The following DPP10 variants were observed in gnomAD, a reference collection of about 807,000 sequenced individuals.
The protein encoded by DPP10 is inactive dipeptidyl peptidase 10.
A neutral mutation model predicts 120.9 loss-of-function variants in DPP10; 33 were observed. That is an observed-to-expected ratio of 0.27 (90% CI 0.21 to 0.37). DPP10 has a LOEUF of 0.37. Ranked by LOEUF, DPP10 falls within the 10% of genes least tolerant of loss-of-function variation. The probability of loss-of-function intolerance (pLI) is 1.00; values close to 1 mark genes in which losing one functional copy is unlikely to be tolerated. For synonymous variants in DPP10, 337 were observed against 326.1 expected (o/e 1.03, Z -0.36); for missense variants, 816 against 942.8 (o/e 0.87, Z 1.76).
At chr2:115,063,162 T>G (rs1706555718) in intron 1 of DPP10, among the ~76,000 whole-genome samples, 1 of 152,212 alleles carries the variant, frequency 6.6e-6, no homozygotes, top group African/African-American at 2.4e-5. Context: ...CTTTTCTTCA[T>G]ATGTTTGTTG....
At chr2:114,746,961 T>C (rs544981500) in intron 1 of DPP10, among the ~76,000 whole-genome samples, 1 of 152,332 alleles carries the variant, frequency 6.6e-6, no homozygotes, top group South Asian at 2.1e-4. Context: ...GAGACTTCCC[T>C]AGGCTAGTCA....
intron 1 of DPP10, among the ~76,000 whole-genome samples, chr2:114,913,381 T>G (rs1440281278): frequency 6.6e-6 from 1 of 152,088 alleles, no homozygotes; most frequent in Admixed American, 6.5e-5. Context: ...TGGGAACACC[T>G]TGGGTCCTCC....
At chr2:115,016,989 T>C (rs1702689569) in intron 1 of DPP10, among the ~76,000 whole-genome samples, 2 of 139,838 alleles carry the variant, frequency 1.4e-5, no homozygotes, top group South Asian at 4.4e-4. Flanking sequence ...TTCTCACTCA[T>C]AGGTAGGAAT....
At position 115,144,678 on chromosome 2, in the gene DPP10, G is replaced by A. The variant is rs148897106; in HGVS notation, c.61-164561G>A. ...TGGGGACTGTTGTGGGGTGGGGGGC[G>A]GGGGGAGGGATAGCATTAGGAGATA... On this transcript the variant is annotated intron_variant, in intron 1 of 25. Transcript: ENST00000410059. Among the ~76,000 whole-genome samples, 425 of 106,280 alleles carry A rather than the reference G, an allele frequency of 4.0e-3. 4 individuals are homozygous for A. The highest frequency in any genetic ancestry group is 0.015 in the African/African-American group (398 of 27,300). The allele number at this position is 106,280 out of a possible 152,430, so 69.7% of individuals were successfully genotyped here.
chr2:114,516,683 C>A (rs1259855417), intron 1 of DPP10, among the ~76,000 whole-genome samples: 2 of 152,178 alleles, frequency 1.3e-5, no homozygotes, highest in African/African-American at 4.8e-5. Flanking sequence ...TACCAAATTA[C>A]AAGAAAGCAT....
intron 1 of DPP10, among the ~76,000 whole-genome samples, chr2:115,308,975 A>G (rs1369054922): frequency 6.6e-6 from 1 of 152,058 alleles, no homozygotes; most frequent in East Asian, 1.9e-4. Context: ...TGGTGTTTAT[A>G]GTCAATGCAT....
chr2:115,127,870 G>C (rs2050155494), intron 1 of DPP10, among the ~76,000 whole-genome samples: 1 of 152,046 alleles, frequency 6.6e-6, no homozygotes, highest in Non-Finnish European at 1.5e-5. Flanking sequence ...AAGTGGCAAA[G>C]GATATACTCC....
intron 1 of DPP10, among the ~76,000 whole-genome samples, chr2:114,491,267 A>G (rs1681976503): frequency 6.6e-6 from 1 of 152,212 alleles, no homozygotes; most frequent in Non-Finnish European, 1.5e-5. Context: ...AAAAAATCAG[A>G]ATGAACTGTT....
At chr2:114,597,471 T>C (rs1157032607) in intron 1 of DPP10, among the ~76,000 whole-genome samples, 1 of 152,088 alleles carries the variant, frequency 6.6e-6, no homozygotes, top group Non-Finnish European at 1.5e-5. Flanking sequence ...TTTATTATAC[T>C]TTGTGTTTTA....
At chr2:115,453,798 T>C (rs1455646544) in intron 3 of DPP10, among the ~76,000 whole-genome samples, 1 of 151,342 alleles carries the variant, frequency 6.6e-6, no homozygotes, top group East Asian at 1.9e-4. Context: ...AAGATGGAAA[T>C]ATACCCAAAA....
rs546084203 is a variant in DPP10 at position 114,656,298 on chromosome 2, C to G, written c.60+213460C>G. Among the ~76,000 whole-genome samples the G allele has an allele frequency of 3.3e-5, 5 of 151,472 alleles. 1 individual carries two copies. The highest frequency in any genetic ancestry group is 6.4e-3 in the Middle Eastern group (2 of 314). On this transcript the variant is annotated intron_variant, in intron 1 of 25. Transcript: ENST00000410059. ...CAGTTATTAGAATTTAGACAGTCAA[C>G]GAGCTTGTTGAAATTTTTTTTGGAA... is the stretch of plus-strand genomic sequence containing the variant.
intron 1 of DPP10, among the ~76,000 whole-genome samples, chr2:115,059,023 T>A (rs756058462): frequency 7.2e-5 from 11 of 152,160 alleles, no homozygotes; most frequent in Non-Finnish European, 1.6e-4. Flanking sequence ...ACGTTTCAAC[T>A]AGGAATCCAT....
intron 1 of DPP10, among the ~76,000 whole-genome samples, chr2:114,672,459 C>T (rs1253397311): frequency 6.6e-6 from 1 of 152,150 alleles, no homozygotes; most frequent in Non-Finnish European, 1.5e-5. Context: ...TGCACTGATA[C>T]TCAGTGCTTA....
chr2:115,016,727 A>T (rs1336138986), intron 1 of DPP10, among the ~76,000 whole-genome samples: 2 of 152,162 alleles, frequency 1.3e-5, no homozygotes, highest in Admixed American at 1.3e-4. Context: ...GAAGACATTT[A>T]TGCAGCCAAC....
At chr2:114,640,796 T>A (rs1695649624) in intron 1 of DPP10, among the ~76,000 whole-genome samples, 1 of 151,894 alleles carries the variant, frequency 6.6e-6, no homozygotes, top group African/African-American at 2.4e-5. Context: ...TAAGCTTTCC[T>A]TCTTGGTATG....
chr2:115,766,763 G>A (rs1451870563), intron 12 of DPP10, among the ~76,000 whole-genome samples: 1 of 152,268 alleles, frequency 6.6e-6, no homozygotes, highest in Non-Finnish European at 1.5e-5. Flanking sequence ...CAAATGGGGA[G>A]CAACACTTCA....
Position 115,119,957 on chromosome 2 carries a change from T to C in DPP10, c.61-189282T>C, listed in dbSNP as rs559897860. 2.0e-5 allele frequency among the ~76,000 whole-genome samples: 3 copies of C among 152,330 alleles called. No individual in the cohort carries two copies. The South Asian group carries it at 6.2e-4, about 32-fold the overall frequency. ...TGTCTTGTTCTCATAAACTGGAAGTTCAATTTAAAAGTTGTCTGATGTGGT... is the reference window on the plus strand; with the variant it reads ...TGTCTTGTTCTCATAAACTGGAAGTCCAATTTAAAAGTTGTCTGATGTGGT... On this transcript the variant is annotated intron_variant, in intron 1 of 25. Coordinates refer to ENST00000410059, the MANE Select transcript of DPP10 (RefSeq NM_020868.6).
chr2:114,849,225 G>A (rs1386399139), intron 1 of DPP10, among the ~76,000 whole-genome samples: 1 of 152,124 alleles, frequency 6.6e-6, no homozygotes, highest in Non-Finnish European at 1.5e-5. Context: ...CCACGTGGCT[G>A]AGTGGTGCCC....
intron 1 of DPP10, among the ~76,000 whole-genome samples, chr2:114,872,378 A>T (rs566999439): frequency 6.6e-6 from 1 of 152,238 alleles, no homozygotes; most frequent in South Asian, 2.1e-4. Flanking sequence ...CATGATCGAA[A>T]TCACCTCCCA....
Sources: allele counts gnomAD v4.1 joint callset (sites outside exome capture counted in the v4.1 genomes callset), GRCh38; gene constraint gnomAD v4.1.1; transcripts MANE v1.5; gene names NCBI Gene and HGNC (gene_info 2026-07-23, HGNC 2026-07-21).